UNC13B: variants seen among roughly 807,000 people sequenced by gnomAD.
UNC13B encodes protein unc-13 homolog B.
Under a neutral mutation model 211.0 loss-of-function variants are expected in UNC13B, and 144 were observed. That is an observed-to-expected ratio of 0.68 (90% confidence interval 0.60 to 0.78). The LOEUF is 0.78. UNC13B is among the 30% of genes least tolerant of loss of function. The pLI is 0.00. For missense variants in UNC13B, 1,777 were observed against 2,002.0 expected, an observed-to-expected ratio of 0.89 and a Z score of 2.14; for synonymous variants, 709 against 725.8, an observed-to-expected ratio of 0.98 and a Z score of 0.37.
chr9:35,184,270 C>T (rs1056706903), intron 1 of UNC13B, among the ~76,000 whole-genome samples: 9 of 152,064 alleles, frequency 5.9e-5, no homozygotes, highest in Middle Eastern at 3.2e-3. Context: ...AGACGATGGG[C>T]GGCCAGGCAG....
At chr9:35,228,650 C>T (rs1030592326) in intron 2 of UNC13B, among the ~76,000 whole-genome samples, 1 of 150,526 alleles carries the variant, frequency 6.6e-6, no homozygotes, top group Non-Finnish European at 1.5e-5. Context: ...TCAAATAGAC[C>T]ATGTGAAACA....
chr9:35,310,402 C>T, intron 9 of UNC13B, 65 bp from the exon 10 acceptor site: 2 of 1,524,832 alleles, frequency 1.3e-6, no homozygotes, highest in Middle Eastern at 1.7e-4. Context: ...CTGGATGTCT[C>T]CTTTCTTTTG....
At chr9:35,358,992 G>A (rs931091180) in intron 11 of UNC13B, among the ~76,000 whole-genome samples, 4 of 151,820 alleles carry the variant, frequency 2.6e-5, no homozygotes, top group African/African-American at 9.7e-5. Context: ...GAGCCACCAC[G>A]CCCAGCCAGT....
rs191017249 is a variant in UNC13B at position 35,334,298 on chromosome 9, T to C, written c.9414+20309T>C. 4.1e-3 allele frequency among the ~76,000 whole-genome samples: 620 copies of C among 152,310 alleles called. 3 individuals are homozygous for C. Among genetic ancestry groups the C allele is most frequent in the Non-Finnish European group, 5.4e-3 (365 of 68,014 alleles). ...TCATTTTTGTACCTCCCCTTACACT[T>C]GGAGAAATTCAGATGTCTATTAAAA... On this transcript the variant is annotated intron_variant, in intron 11 of 39. Coordinates refer to ENST00000635942, the MANE Select transcript of UNC13B (RefSeq NM_001371189.2).
At chr9:35,314,707 A>G (rs1451815083) in intron 11 of UNC13B, among the ~76,000 whole-genome samples, 1 of 151,746 alleles carries the variant, frequency 6.6e-6, no homozygotes. Flanking sequence ...CACCCTTCTA[A>G]GTCTCCAGTG....
intron 1 of UNC13B, among the ~76,000 whole-genome samples, chr9:35,217,113 C>T (rs1428883893): frequency 6.6e-6 from 1 of 152,100 alleles, no homozygotes; most frequent in East Asian, 1.9e-4. Context: ...TAACATGGGT[C>T]TACATATGTG....
intron 11 of UNC13B, among the ~76,000 whole-genome samples, chr9:35,324,257 AT>A (rs1830888638): frequency 6.6e-6 from 1 of 152,212 alleles, no homozygotes. Context: ...TTCTAGAGTC[AT>A]TAATAGGTAT....
chr9:35,328,602 T>C (rs898327976), intron 11 of UNC13B, among the ~76,000 whole-genome samples: 9 of 22,246 alleles, frequency 4.0e-4, no homozygotes, highest in South Asian at 5.5e-3. Context: ...ATTGTCCCCT[T>C]CCTTCCTTCC....
rs752565163 is a variant in UNC13B at position 35,300,365 on chromosome 9, C to G, written c.961C>G (p.Pro321Ala). 18 of 398,728 alleles carry G rather than the reference C, an allele frequency of 4.5e-5. No homozygotes were observed. Among genetic ancestry groups the G allele is most frequent in the Non-Finnish European group, 7.1e-5 (16 of 226,030 alleles). 24.7% of individuals were successfully genotyped at this position (398,728 alleles called of 1,614,324 possible). A position where few individuals can be genotyped will look rare whatever the true frequency, so the allele number is the denominator to read the frequency against. ...AAATATGGGGTACCCAGTTTTGTAC[C>G]CCTACAAAAATGGATTTGTGGTTAA... ...KQNMGYPVLYPYKNGFVVKSG... is the reference protein window; with the variant it reads ...KQNMGYPVLYAYKNGFVVKSG... The change falls in exon 9 of 40, where the codon CCC (proline) becomes GCC (alanine). Residue 321 changes from proline (P) to alanine (A), a missense_variant. Physicochemically the swap from Pro to Ala is conservative, Grantham distance 27 (BLOSUM62 -1). Transcript: ENST00000635942.
At chr9:35,225,737 C>T (rs916747470) in intron 1 of UNC13B, among the ~76,000 whole-genome samples, 18 of 151,998 alleles carry the variant, frequency 1.2e-4, no homozygotes, top group African/African-American at 4.1e-4. Flanking sequence ...ACTGATATGC[C>T]AGATGGGCTG....
intron 1 of UNC13B, among the ~76,000 whole-genome samples, chr9:35,200,953 TATG>T (rs1246530224): frequency 6.6e-6 from 1 of 152,234 alleles, no homozygotes; most frequent in East Asian, 1.9e-4. Context: ...GCCCATTCAG[TATG>T]ATATTGGCTG....
At chr9:35,175,784 A>C (rs527994285) in intron 1 of UNC13B, among the ~76,000 whole-genome samples, 182 of 151,804 alleles carry the variant, frequency 1.2e-3, no homozygotes, top group Non-Finnish European at 2.0e-3. Flanking sequence ...TGGGAGGCCA[A>C]GGTGGGTGGA....
chr9:35,390,861 C>T, intron 26 of UNC13B, 147 bp downstream of exon 26: 2 of 787,048 alleles, frequency 2.5e-6, no homozygotes, highest in East Asian at 3.0e-5. Flanking sequence ...GGGATGTAGG[C>T]CCCGGGAGAC....
chr9:35,320,369 C>G (rs539956025), intron 11 of UNC13B, among the ~76,000 whole-genome samples: 1 of 152,266 alleles, frequency 6.6e-6, no homozygotes, highest in African/African-American at 2.4e-5. Context: ...TGCCTACCCC[C>G]AAAAGTATAT....
In UNC13B at chr9:35,162,257, C is replaced by G; in HGVS notation, c.-27C>G. The G allele has an allele frequency of 6.5e-7, 1 of 1,542,384 alleles. No individual in the cohort carries two copies. Among genetic ancestry groups the G allele is most frequent in the Non-Finnish European group, 8.7e-7 (1 of 1,147,290 alleles). On this transcript the variant is annotated 5_prime_UTR_variant, in exon 1 of 40. Coordinates refer to ENST00000635942, the MANE Select transcript of UNC13B (RefSeq NM_001371189.2). ...GGAGCGGTCCGGCGCGGCTGGGGCG[C>G]GGCAGAGGCTTGCCCGATCCTCGGC...
chr9:35,326,365 C>G lies in UNC13B; in HGVS notation c.9414+12376C>G, dbSNP rs550403051. Among the ~76,000 whole-genome samples, 31 of 152,252 alleles carry G rather than the reference C, an allele frequency of 2.0e-4. 1 individual carries two copies. In the South Asian group the frequency reaches 6.2e-3, roughly 31 times the overall value. ...TGGATAGTACCAAACTTCACATATACTATGTTTTTTCCTATACATACATAT... is the reference window on the plus strand; with the variant it reads ...TGGATAGTACCAAACTTCACATATAGTATGTTTTTTCCTATACATACATAT... On this transcript the variant is annotated intron_variant, in intron 11 of 39. Coordinates refer to ENST00000635942, the MANE Select transcript of UNC13B (RefSeq NM_001371189.2).
chr9:35,275,765 G>A (rs990005723), intron 7 of UNC13B, among the ~76,000 whole-genome samples: 2 of 151,942 alleles, frequency 1.3e-5, no homozygotes, highest in Non-Finnish European at 2.9e-5. Flanking sequence ...GCTAATTTTT[G>A]TAGTTTTAAT....
At chr9:35,266,465 C>T (rs1371042942) in intron 7 of UNC13B, among the ~76,000 whole-genome samples, 2 of 152,170 alleles carry the variant, frequency 1.3e-5, no homozygotes, top group Non-Finnish European at 2.9e-5. Context: ...CTTTGGGAGG[C>T]CAAGGCAGGA....
intron 15 of UNC13B, among the ~76,000 whole-genome samples, chr9:35,376,840 AG>A (rs1442699415): frequency 1.3e-5 from 2 of 152,232 alleles, no homozygotes; most frequent in Non-Finnish European, 2.9e-5. Flanking sequence ...GAGCAGGAAA[AG>A]CAACAAGTTC....
Sources: allele counts gnomAD v4.1 joint callset (sites outside exome capture counted in the v4.1 genomes callset), GRCh38; gene constraint gnomAD v4.1.1; transcripts MANE v1.5; gene names NCBI Gene and HGNC (gene_info 2026-07-23, HGNC 2026-07-21).